Variants in MACROD2 observed in about 807,000 individuals in gnomAD.
MACROD2 encodes the protein ADP-ribose glycohydrolase MACROD2.
A neutral mutation model predicts 70.4 loss-of-function variants in MACROD2; 36 were observed. That is an observed-to-expected ratio of 0.51 (90% CI 0.39 to 0.68). The LOEUF is 0.68. Ranked by LOEUF, MACROD2 falls within the 30% of genes least tolerant of loss-of-function variation. MACROD2 has a pLI of 0.00. For synonymous variants in MACROD2, 172 were observed against 178.8 expected (o/e 0.96, Z 0.30); for missense variants, 496 against 538.4 (o/e 0.92, Z 0.78).
rs527527198 is a variant in MACROD2 at position 16,000,750 on chromosome 20, G to A, written c.1153+13592G>A. Among the ~76,000 whole-genome samples the A allele has an allele frequency of 8.5e-4, 130 of 152,294 alleles. 2 individuals carry two copies. In the South Asian group the frequency reaches 0.026, roughly 30 times the overall value. ...TAAAGATCCTAATCATAAACATTCA[G>A]ACAGAAAGACCATTTCAGTGACAGA... On this transcript the variant is annotated intron_variant, in intron 15 of 17. Coordinates refer to ENST00000684519, the MANE Select transcript of MACROD2 (RefSeq NM_001351661.2).
At chr20:15,290,940 A>C (rs2077536143) in intron 6 of MACROD2, among the ~76,000 whole-genome samples, 1 of 152,208 alleles carries the variant, frequency 6.6e-6, no homozygotes, top group Admixed American at 6.5e-5. Context: ...AGACACATAA[A>C]ATATATTTGC....
chr20:15,731,759 A>C (rs76652743), intron 8 of MACROD2, among the ~76,000 whole-genome samples: 4,208 of 49,064 alleles, frequency 0.086, 1,726 homozygotes, highest in African/African-American at 0.22. Flanking sequence ...TTTTCTTTTT[A>C]TTTTTTTTTT....
intron 5 of MACROD2, among the ~76,000 whole-genome samples, chr20:14,911,589 G>A (rs1467800339): frequency 2.6e-5 from 4 of 152,046 alleles, no homozygotes; most frequent in Middle Eastern, 3.4e-3. Flanking sequence ...ATGATGCCCA[G>A]GCTGGTCTCT....
intron 9 of MACROD2, among the ~76,000 whole-genome samples, chr20:15,864,724 G>A (rs2064468853): frequency 6.6e-6 from 1 of 152,014 alleles, no homozygotes; most frequent in South Asian, 2.1e-4. Flanking sequence ...ATGCATTGCA[G>A]TACATGAGCA....
intron 4 of MACROD2, among the ~76,000 whole-genome samples, chr20:14,619,830 T>C (rs1338552398): frequency 6.6e-6 from 1 of 152,146 alleles, no homozygotes; most frequent in Non-Finnish European, 1.5e-5. Context: ...TTATTTCTTG[T>C]TCGTGCTATG....
intron 8 of MACROD2, among the ~76,000 whole-genome samples, chr20:15,814,733 C>T (rs1276382636): frequency 3.3e-5 from 5 of 152,204 alleles, no homozygotes; most frequent in Non-Finnish European, 1.5e-5. Flanking sequence ...TTTCATGATA[C>T]TGCACTTACC....
chr20:14,083,153 C>T (rs955723512), intron 2 of MACROD2, among the ~76,000 whole-genome samples: 4 of 147,736 alleles, frequency 2.7e-5, no homozygotes, highest in Admixed American at 6.8e-5. Flanking sequence ...TAGTTTTGGC[C>T]AGGTGTGGTG....
At chr20:14,797,916 A>C (rs1329358651) in intron 5 of MACROD2, among the ~76,000 whole-genome samples, 2 of 152,100 alleles carry the variant, frequency 1.3e-5, no homozygotes, top group East Asian at 3.9e-4. Context: ...GGAGAAACAT[A>C]AGGCTGACTC....
intron 8 of MACROD2, among the ~76,000 whole-genome samples, chr20:15,503,545 A>G (rs144661117): frequency 1.3e-5 from 2 of 152,362 alleles, no homozygotes; most frequent in South Asian, 2.1e-4. Context: ...CTTGAAATCC[A>G]AGGGCCGGAA....
chr20:14,245,991 TA>T (rs2081965842), intron 3 of MACROD2, among the ~76,000 whole-genome samples: 1 of 152,248 alleles, frequency 6.6e-6, no homozygotes, highest in African/African-American at 2.4e-5. Context: ...CCTATCCATT[TA>T]AAGCTCTGGA....
intron 5 of MACROD2, among the ~76,000 whole-genome samples, chr20:15,167,451 C>T (rs1326473603): frequency 6.6e-6 from 1 of 152,136 alleles, no homozygotes; most frequent in Non-Finnish European, 1.5e-5. Flanking sequence ...ATTCTTCCTC[C>T]TCCTCGCTGT....
chr20:14,724,742 A>G (rs1183054304), intron 5 of MACROD2, among the ~76,000 whole-genome samples: 2 of 152,238 alleles, frequency 1.3e-5, no homozygotes, highest in African/African-American at 2.4e-5. Flanking sequence ...CTAAGGAGAA[A>G]GTCATTCAGG....
intron 5 of MACROD2, 174 bp downstream of exon 5, chr20:14,685,133 C>CAT (rs1468679442): frequency 4.9e-6 from 2 of 409,922 alleles, no homozygotes; most frequent in South Asian, 3.4e-5. Context: ...CAAATATATA[C>CAT]ATATATATAA....
chr20:14,622,793 T>C (rs2123456004), intron 4 of MACROD2: 1 of 152,294 alleles, frequency 6.6e-6, no homozygotes, highest in South Asian at 2.1e-4. Context: ...ATCCCCTCAG[T>C]GGTGCCAGAG....
At chr20:15,089,613 C>G (rs987569742) in intron 5 of MACROD2, among the ~76,000 whole-genome samples, 6 of 152,094 alleles carry the variant, frequency 3.9e-5, no homozygotes, top group South Asian at 2.1e-4. Flanking sequence ...TCTCCTTTTG[C>G]TTCCCTCCCT....
At chr20:14,730,423 T>C (rs1048718084) in intron 5 of MACROD2, among the ~76,000 whole-genome samples, 1 of 152,072 alleles carries the variant, frequency 6.6e-6, no homozygotes, top group Non-Finnish European at 1.5e-5. Context: ...CAACAACCGT[T>C]ATTAGACTGG....
chr20:14,505,639 T>G (rs1033658761), intron 4 of MACROD2, among the ~76,000 whole-genome samples: 1 of 152,214 alleles, frequency 6.6e-6, no homozygotes, highest in Non-Finnish European at 1.5e-5. Context: ...AAACACAGAT[T>G]ACTGGGCCTT....
intron 12 of MACROD2, among the ~76,000 whole-genome samples, chr20:15,945,651 AT>A (rs1469861344): frequency 2.0e-5 from 3 of 152,116 alleles, no homozygotes; most frequent in African/African-American, 7.2e-5. Context: ...GTTCTTTCTG[AT>A]TTTTGACAGT....
At chr20:15,442,274 A>G (rs769122491) in intron 7 of MACROD2, among the ~76,000 whole-genome samples, 2 of 152,184 alleles carry the variant, frequency 1.3e-5, no homozygotes, top group Non-Finnish European at 2.9e-5. Flanking sequence ...GTATTGTGAA[A>G]TGTATGTGAA....
Sources: gnomAD v4.1 joint callset for allele counts (sites outside exome capture counted in the v4.1 genomes callset) on GRCh38, gnomAD v4.1.1 for gene constraint, MANE v1.5 for transcripts, NCBI Gene and HGNC (gene_info 2026-07-23, HGNC 2026-07-21) for gene names.